CEP57L1: variants seen among roughly 807,000 people sequenced by gnomAD.
CEP57L1 encodes the protein centrosomal protein 57 like 1.
CEP57L1 carries 37 observed loss-of-function variants against 61.0 expected under a neutral mutation model. That is an observed-to-expected ratio of 0.61 (90% confidence interval 0.47 to 0.80). The LOEUF is 0.80. Ranked by LOEUF, CEP57L1 falls within the 30% of genes least tolerant of loss-of-function variation. The probability of loss-of-function intolerance (pLI) is 0.00; values close to 1 mark genes in which losing one functional copy is unlikely to be tolerated. For synonymous variants in CEP57L1, 137 were observed against 162.3 expected (o/e 0.84, Z 1.19); for missense variants, 422 against 524.7 (o/e 0.80, Z 1.91).
At chr6:109,101,792 T>A (rs180921266) in intron 1 of CEP57L1, among the ~76,000 whole-genome samples, 1 of 152,288 alleles carries the variant, frequency 6.6e-6, no homozygotes, top group East Asian at 1.9e-4. Flanking sequence ...GCTAATGTTT[T>A]GTATTTTTAG....
At chr6:109,153,232 T>A (rs1278295571) in intron 4 of CEP57L1, among the ~76,000 whole-genome samples, 3 of 72,370 alleles carry the variant, frequency 4.1e-5, no homozygotes, top group African/African-American at 9.0e-5. Flanking sequence ...TAATCTGCAC[T>A]TTTTTTTTTT....
rs760454702 is a variant in CEP57L1, at chr6:109,159,103, G to A, written c.822+1G>A. ...AGCACTGCCTTTTGTGGCTGAAAAG[G>A]TGAGAGGGGATAAAATGAAGATAGT... On this transcript the variant is annotated splice_donor_variant, in intron 8 of 10. Transcript: ENST00000517392. LOFTEE classifies it high-confidence loss of function. 25 of 1,614,062 alleles carry A rather than the reference G, an allele frequency of 1.5e-5. No individual in the cohort carries two copies. In the East Asian group the frequency reaches 5.6e-4, roughly 36 times the overall value.
chr6:109,106,315 C>T (rs1459036088), intron 1 of CEP57L1, among the ~76,000 whole-genome samples: 3 of 152,040 alleles, frequency 2.0e-5, no homozygotes, highest in African/African-American at 2.4e-5. Flanking sequence ...AATCATATTT[C>T]CTACAGATAA....
At chr6:109,112,480 T>A (rs1051441818) in intron 1 of CEP57L1, among the ~76,000 whole-genome samples, 2 of 152,144 alleles carry the variant, frequency 1.3e-5, no homozygotes, top group African/African-American at 4.8e-5. Context: ...ATTCATTGAT[T>A]TTTTTGAAGG....
Position 109,146,773 on chromosome 6 carries a change from TA to T in CEP57L1, c.181del (p.Thr61LeufsTer9). ...TTTTCAACAGCTCTTATTTTAGCCT[TA>T]AAAACTCTTCAGGAAAAAATTCATC... Reference protein sequence around the residue: ...SPNSQALILALKTLQEKIHRL... With the variant: ...SPNSQALILAXKTLQEKIHRL... On this transcript the variant is annotated frameshift_variant, in exon 3 of 11. Coordinates refer to ENST00000517392, the MANE Select transcript of CEP57L1 (RefSeq NM_001271852.3). LOFTEE classifies it high-confidence loss of function. 1 of 1,574,578 alleles carries T rather than the reference TA, an allele frequency of 6.4e-7. No individual in the cohort carries two copies. The highest frequency in any genetic ancestry group is 8.6e-7 in the Non-Finnish European group (1 of 1,166,672).
intron 1 of CEP57L1, among the ~76,000 whole-genome samples, chr6:109,113,866 T>C (rs1055404557): frequency 6.6e-6 from 1 of 152,168 alleles, no homozygotes; most frequent in Non-Finnish European, 1.5e-5. Flanking sequence ...GTCCCTGCTC[T>C]TAAGGAAGTA....
At chr6:109,112,791 T>C (rs954869693) in intron 1 of CEP57L1, among the ~76,000 whole-genome samples, 1 of 152,172 alleles carries the variant, frequency 6.6e-6, no homozygotes, top group African/African-American at 2.4e-5. Context: ...CGGGAGCAGG[T>C]TATTCAGTTT....
chr6:109,142,470 G>C (rs987822398), intron 1 of CEP57L1, among the ~76,000 whole-genome samples: 1 of 152,078 alleles, frequency 6.6e-6, no homozygotes, highest in Admixed American at 6.6e-5. Flanking sequence ...GGTGGTAAGG[G>C]GAGGGAACTT....
At chr6:109,153,038 G>A (rs1772811444) in intron 4 of CEP57L1, among the ~76,000 whole-genome samples, 1 of 151,292 alleles carries the variant, frequency 6.6e-6, no homozygotes, top group Non-Finnish European at 1.5e-5. Flanking sequence ...ATGAACCCAG[G>A]AGACAAAGGT....
At chr6:109,100,281 T>G (rs1782217276) in intron 1 of CEP57L1, 1 of 152,160 alleles carries the variant, frequency 6.6e-6, no homozygotes, top group Admixed American at 6.5e-5. Flanking sequence ...CACAGAACTT[T>G]CAAAGGTATG....
At chr6:109,146,610 T>G (rs1771987207) in intron 2 of CEP57L1, 148 bp from the exon 3 acceptor site, 1 of 542,374 alleles carries the variant, frequency 1.8e-6, no homozygotes, top group Non-Finnish European at 3.2e-6. Flanking sequence ...GTGTTAGTCA[T>G]TATTTTTCAT....
intron 5 of CEP57L1, 73 bp downstream of exon 5, chr6:109,154,022 T>C: frequency 1.3e-6 from 1 of 797,260 alleles, no homozygotes; most frequent in Non-Finnish European, 2.1e-6. Flanking sequence ...TTTATGTGAA[T>C]GTAGAGTAAA....
intron 1 of CEP57L1, among the ~76,000 whole-genome samples, chr6:109,116,120 ATG>A (rs1460290945): frequency 0.042 from 5,661 of 133,452 alleles, 132 homozygotes; most frequent in Middle Eastern, 0.083. Flanking sequence ...ATTTTATGTT[ATG>A]TGTTGTGTTA....
Position 109,148,812 on chromosome 6 carries a change from T to C in CEP57L1, c.341-1306T>C, listed in dbSNP as rs2047088523. On this transcript the variant is annotated intron_variant, in intron 3 of 10. Transcript: ENST00000517392. ...CCTGACTTTTTAATGATTGCCATTC[T>C]AACTGGTGTGAGATGCTATCTCACT... 6.6e-5 allele frequency among the ~76,000 whole-genome samples: 10 copies of C among 152,242 alleles called. No homozygotes were observed. In the South Asian group the frequency reaches 1.9e-3, roughly 28 times the overall value.
At position 109,174,099 on chromosome 6, in the gene CEP57L1, C is replaced by CAAAAAAAAA. The variant is rs1298260523; in HGVS notation, c.*11136_*11144dup. On this transcript the variant is annotated 3_prime_UTR_variant, in exon 11 of 11. Transcript: ENST00000517392. ...TGAGCCATAGAGTGAGTCTTGGTCT[C>CAAAAAAAAA]AAAAAAAAAAAAAAACCTTGTGTTG... Among the ~76,000 whole-genome samples the CAAAAAAAAA allele has an allele frequency of 2.4e-5, 2 of 81,906 alleles. No homozygotes were observed. The highest frequency in any genetic ancestry group is 4.8e-5 in the African/African-American group (1 of 20,852). 53.7% of individuals were successfully genotyped at this position (81,906 alleles called of 152,430 possible).
intron 1 of CEP57L1, among the ~76,000 whole-genome samples, chr6:109,133,064 C>A (rs1774378160): frequency 6.6e-6 from 1 of 152,148 alleles, no homozygotes; most frequent in African/African-American, 2.4e-5. Flanking sequence ...TTGAATTGTT[C>A]TTCTCCTTTA....
intron 4 of CEP57L1, among the ~76,000 whole-genome samples, chr6:109,153,116 AAAAAG>A (rs372166470): frequency 5.0e-4 from 76 of 151,736 alleles, no homozygotes; most frequent in South Asian, 1.4e-3. Context: ...CTCAAAAAAA[AAAAAG>A]AAAAGAAAAG....
At position 109,160,586 on chromosome 6, in the gene CEP57L1, T is replaced by G; in HGVS notation, c.1031T>G (p.Leu344Arg). 1 of 1,606,748 alleles carries G rather than the reference T, an allele frequency of 6.2e-7. No homozygotes were observed. ...LDQMSMEHQE[L>R]LKQMKETESH... ...TTCTTTCATAGGGAGCACCAAGAAC[T>G]ACTGAAACAAATGAAGGAAACTGAA... Residue 344 changes from leucine to arginine, a missense_variant, in exon 10 of 11, where the codon CTA (leucine) becomes CGA (arginine). Physicochemically the swap from Leu to Arg is moderately radical, Grantham distance 102. Coordinates refer to ENST00000517392, the MANE Select transcript of CEP57L1 (RefSeq NM_001271852.3).
At chr6:109,144,334 T>C (rs1346006114) in intron 1 of CEP57L1, among the ~76,000 whole-genome samples, 2 of 152,160 alleles carry the variant, frequency 1.3e-5, no homozygotes, top group African/African-American at 4.8e-5. Context: ...TAGGCTAATG[T>C]TATAGTGTAA....
Sources: gnomAD v4.1 joint callset for allele counts (sites outside exome capture counted in the v4.1 genomes callset) on GRCh38, gnomAD v4.1.1 for gene constraint, MANE v1.5 for transcripts, NCBI Gene and HGNC (gene_info 2026-07-23, HGNC 2026-07-21) for gene names.